Variants in EMC7 observed in about 807,000 individuals in gnomAD.
EMC7 encodes ER membrane protein complex subunit 7.
EMC7 carries 4 observed loss-of-function variants against 24.4 expected under a neutral mutation model. The observed-to-expected ratio is 0.16, with a 90% confidence interval of 0.08 to 0.38. The LOEUF is 0.38. Among genes scored for constraint, EMC7 ranks in the 10% least tolerant of loss-of-function variants. The probability of loss-of-function intolerance (pLI) is 1.00; values close to 1 mark genes in which losing one functional copy is unlikely to be tolerated. For missense variants in EMC7, 221 were observed against 300.6 expected, an observed-to-expected ratio of 0.74 and a Z score of 1.96; for synonymous variants, 106 against 112.0, an observed-to-expected ratio of 0.95 and a Z score of 0.34.
chr15:34,095,643 A>G (rs187384078), intron 2 of EMC7, among the ~76,000 whole-genome samples: 131 of 152,364 alleles, frequency 8.6e-4, no homozygotes, highest in African/African-American at 3.1e-3. Flanking sequence ...CTCCTATAGT[A>G]AGTAATCTTA....
intron 4 of EMC7, among the ~76,000 whole-genome samples, chr15:34,087,260 T>C (rs895352869): frequency 4.6e-5 from 7 of 152,194 alleles, no homozygotes; most frequent in Non-Finnish European, 8.8e-5. Flanking sequence ...ATGGGGAACC[T>C]TGAAACTCAG....
chr15:34,092,551 T>C (rs1164834623), intron 2 of EMC7, among the ~76,000 whole-genome samples: 1 of 152,136 alleles, frequency 6.6e-6, no homozygotes, highest in East Asian at 1.9e-4. Context: ...GTTCATCATG[T>C]TGGTCAGGCT....
chr15:34,095,060 T>G (rs754295798), intron 2 of EMC7, among the ~76,000 whole-genome samples: 2 of 152,242 alleles, frequency 1.3e-5, no homozygotes, highest in Non-Finnish European at 2.9e-5. Flanking sequence ...AGTCTAAATA[T>G]GCTGCGCAGA....
chr15:34,099,899 G>T (rs1901148237), intron 1 of EMC7, among the ~76,000 whole-genome samples: 1 of 152,104 alleles, frequency 6.6e-6, no homozygotes, highest in African/African-American at 2.4e-5. Flanking sequence ...ACCGCGCCTG[G>T]AAATTCTCCA....
intron 1 of EMC7, among the ~76,000 whole-genome samples, chr15:34,098,358 C>G (rs1242706382): frequency 6.6e-6 from 1 of 152,138 alleles, no homozygotes; most frequent in Non-Finnish European, 1.5e-5. Context: ...ACCATGACTA[C>G]ACTGTTTGAT....
intron 3 of EMC7, among the ~76,000 whole-genome samples, chr15:34,088,468 C>T (rs927726273): frequency 4.9e-5 from 7 of 142,074 alleles, no homozygotes; most frequent in Non-Finnish European, 7.6e-5. Flanking sequence ...TATCTATTCC[C>T]TTTTTTTTTT....
At chr15:34,086,560 C>T (rs1900891538) in intron 4 of EMC7, among the ~76,000 whole-genome samples, 1 of 152,168 alleles carries the variant, frequency 6.6e-6, no homozygotes, top group South Asian at 2.1e-4. Context: ...TCCCAAGTAG[C>T]TCAGATTACA....
At chr15:34,094,903 C>T (rs977835917) in intron 2 of EMC7, among the ~76,000 whole-genome samples, 1 of 152,094 alleles carries the variant, frequency 6.6e-6, no homozygotes, top group Non-Finnish European at 1.5e-5. Context: ...GGCATATTTA[C>T]ATATTACATT....
intron 2 of EMC7, among the ~76,000 whole-genome samples, chr15:34,095,164 T>C (rs2568532): frequency 0.14 from 21,987 of 152,170 alleles, 1,923 homozygotes; most frequent in South Asian, 0.26. Flanking sequence ...TACTGCAACA[T>C]AGTCATATTT....
intron 4 of EMC7, among the ~76,000 whole-genome samples, chr15:34,087,678 T>C: frequency 6.6e-6 from 1 of 152,172 alleles, no homozygotes. Flanking sequence ...CATAAAGAGA[T>C]CCAGGCCAGG....
chr15:34,088,270 A>G (rs989150822), intron 3 of EMC7, 137 bp from the exon 4 acceptor site: 2 of 696,108 alleles, frequency 2.9e-6, no homozygotes, highest in Non-Finnish European at 2.4e-6. Context: ...AACCACCGCA[A>G]TTCTACTGAG....
At position 34,090,308 on chromosome 15, in the gene EMC7, G is replaced by T; in HGVS notation, c.495+9C>A. ...TTAGTAAAGTGCTTTATTTTAGCCT[G>T]ATACATACCATTGGGTTCATTAGAA... On this transcript the variant is annotated intron_variant, in intron 3 of 4. Transcript: ENST00000256545. The T allele has an allele frequency of 6.2e-7, 1 of 1,610,218 alleles. No homozygotes were observed. The highest frequency in any genetic ancestry group is 1.1e-5 in the South Asian group (1 of 90,328).
At chr15:34,092,293 A>ACACACACACAC (rs1555523196) in intron 2 of EMC7, among the ~76,000 whole-genome samples, 7 of 151,760 alleles carry the variant, frequency 4.6e-5, no homozygotes, top group South Asian at 2.1e-4. Flanking sequence ...ACACACACAC[A>ACACACACACAC]AAGAATTAGG....
At chr15:34,101,478 G>T (rs1380523183) in intron 1 of EMC7, 126 bp downstream of exon 1, 4 of 1,004,636 alleles carry the variant, frequency 4.0e-6, no homozygotes, top group Non-Finnish European at 5.9e-6. Context: ...GGCATAGACC[G>T]TTAGCGGCAC....
chr15:34,098,733 T>C (rs1384615200), intron 1 of EMC7, among the ~76,000 whole-genome samples: 2 of 151,104 alleles, frequency 1.3e-5, no homozygotes, highest in Non-Finnish European at 2.9e-5. Flanking sequence ...CCTCCCAAAG[T>C]GCTAGGATTA....
chr15:34,100,725 T>TA (rs1901160468), intron 1 of EMC7: 3 of 152,190 alleles, frequency 2.0e-5, no homozygotes, highest in Admixed American at 2.0e-4. Flanking sequence ...CAGATACCAT[T>TA]TGCTGGTGTA....
chr15:34,099,598 T>C (rs963451542), intron 1 of EMC7, among the ~76,000 whole-genome samples: 2 of 152,208 alleles, frequency 1.3e-5, no homozygotes, highest in African/African-American at 4.8e-5. Context: ...ATATTAATTC[T>C]CCATCAATGT....
At chr15:34,096,625 T>A (rs563969710) in intron 1 of EMC7, among the ~76,000 whole-genome samples, 92 of 152,312 alleles carry the variant, frequency 6.0e-4, no homozygotes, top group Middle Eastern at 6.8e-3. Flanking sequence ...CATGTCTTCA[T>A]TGAATATACA....
At chr15:34,096,432 A>G (rs1307106905) in intron 1 of EMC7, among the ~76,000 whole-genome samples, 1 of 151,988 alleles carries the variant, frequency 6.6e-6, no homozygotes, top group Non-Finnish European at 1.5e-5. Context: ...CAGCCTCCCA[A>G]AGTGCTGGGA....
Sources: allele counts gnomAD v4.1 joint callset (sites outside exome capture counted in the v4.1 genomes callset), GRCh38; gene constraint gnomAD v4.1.1; transcripts MANE v1.5; gene names NCBI Gene and HGNC (gene_info 2026-07-23, HGNC 2026-07-21).